Variants in PHYHIP observed in about 807,000 individuals in gnomAD.
PHYHIP encodes phytanoyl-CoA 2-hydroxylase interacting protein, also known as phytanoyl-CoA hydroxylase-interacting protein.
In PHYHIP, 7 loss-of-function variants were observed where a neutral mutation model predicts 26.1. The ratio of observed to expected loss-of-function variants is 0.27; its 90% confidence interval spans 0.15 to 0.50. The LOEUF is 0.50. Ranked by LOEUF, PHYHIP falls within the 20% of genes least tolerant of loss-of-function variation. The probability of loss-of-function intolerance (pLI) is 0.98; values close to 1 mark genes in which losing one functional copy is unlikely to be tolerated. For missense variants in PHYHIP, 232 were observed against 454.7 expected (o/e 0.51, Z 4.45); for synonymous variants, 206 against 183.4 (o/e 1.12, Z -1.00).
rs563058901 is a variant in PHYHIP, at chr8:22,224,390, G to A, written c.341-47C>T. On this transcript the variant is annotated intron_variant, in intron 3 of 4. Coordinates refer to ENST00000454243, the MANE Select transcript of PHYHIP (RefSeq NM_014759.5). ...AGGTGAGCCGAGGGCCAGCTGAGGA[G>A]CACAAACACCTCCTGTCCCCACCCC... 21 of 1,098,252 alleles carry A rather than the reference G, an allele frequency of 1.9e-5. No individual in the cohort carries two copies. In the African/African-American group the frequency reaches 2.1e-4, roughly 11 times the overall value. The allele number at this position is 1,098,252 out of a possible 1,614,324, so 68.0% of individuals were successfully genotyped here. A position where few individuals can be genotyped will look rare whatever the true frequency, so the allele number is the denominator to read the frequency against.
Position 22,221,643 on chromosome 8 carries a change from C to T in PHYHIP, c.703G>A (p.Ala235Thr), listed in dbSNP as rs1347147279. The stretch of plus-strand genomic sequence containing the variant: ...CCTTTGGGCGCCAGCACCAGGATGG[C>T]GTAGTGGTAGGCCGTGTACATGCAG... ...FYCMYTAYHY[A>T]ILVLAPKGSL... Residue 235 changes from alanine (A) to threonine (T), a missense_variant, in exon 5 of 5, where the codon GCC becomes ACC. By Grantham distance (58) the Ala-to-Thr change is moderately conservative. Coordinates refer to ENST00000454243, the MANE Select transcript of PHYHIP (RefSeq NM_014759.5). The surrounding 1 kb of genome is among the most constrained non-coding windows in gnomAD (Gnocchi z 7.9). 3.1e-6 allele frequency: 5 copies of T among 1,613,126 alleles called. No homozygotes were observed. The highest frequency in any genetic ancestry group is 4.2e-6 in the Non-Finnish European group (5 of 1,179,712).
At chr8:22,225,026 C>T (rs973000822) in intron 3 of PHYHIP, among the ~76,000 whole-genome samples, 3 of 152,164 alleles carry the variant, frequency 2.0e-5, no homozygotes, top group Non-Finnish European at 4.4e-5. Context: ...TGGCTGCATC[C>T]CTGGCCAGGG....
intron 4 of PHYHIP, among the ~76,000 whole-genome samples, chr8:22,223,074 A>C (rs1035729783): frequency 6.6e-6 from 1 of 152,234 alleles, no homozygotes; most frequent in South Asian, 2.1e-4. Flanking sequence ...GGATAAAGAC[A>C]GACAGAGGCC....
At chr8:22,223,574 G>A (rs757941892) in intron 4 of PHYHIP, among the ~76,000 whole-genome samples, 1 of 152,152 alleles carries the variant, frequency 6.6e-6, no homozygotes, top group Non-Finnish European at 1.5e-5. Context: ...CTCTTCTGTA[G>A]GCTGAGGGTG....
chr8:22,222,014 G>A (rs1057217859), intron 4 of PHYHIP, 127 bp from the exon 5 acceptor site: 16 of 732,234 alleles, frequency 2.2e-5, no homozygotes, highest in Middle Eastern at 3.9e-4. Flanking sequence ...TCCCCCAGCC[G>A]CCTCCACTAG....
intron 4 of PHYHIP, among the ~76,000 whole-genome samples, chr8:22,223,284 C>T (rs1035626804): frequency 6.6e-6 from 1 of 151,190 alleles, no homozygotes; most frequent in Non-Finnish European, 1.5e-5. Context: ...ATCATTTTAA[C>T]CCAGAAGGCA....
chr8:22,230,080 T>A (rs1829835881), intron 1 of PHYHIP, among the ~76,000 whole-genome samples: 1 of 152,192 alleles, frequency 6.6e-6, no homozygotes. Flanking sequence ...ATTGAGTGTC[T>A]GGAAACAACC....
intron 1 of PHYHIP, among the ~76,000 whole-genome samples, chr8:22,230,810 T>C (rs1025118546): frequency 3.3e-5 from 5 of 152,064 alleles, no homozygotes; most frequent in Non-Finnish European, 7.4e-5. Context: ...GTCACCTCCA[T>C]GCACACCCAG....
intron 2 of PHYHIP, among the ~76,000 whole-genome samples, chr8:22,227,426 G>T (rs1829771148): frequency 6.6e-6 from 1 of 152,232 alleles, no homozygotes; most frequent in African/African-American, 2.4e-5. Context: ...TAAGGGGGTG[G>T]TGTTGAACAT....
intron 4 of PHYHIP, among the ~76,000 whole-genome samples, chr8:22,223,561 C>T (rs1586488452): frequency 6.6e-6 from 1 of 152,116 alleles, no homozygotes; most frequent in Admixed American, 6.5e-5. Flanking sequence ...GGGCCTCAGG[C>T]TCCTCTTCTG....
chr8:22,228,800 G>C (rs1213668194), intron 1 of PHYHIP: 1 of 158,104 alleles, frequency 6.3e-6, no homozygotes, highest in Non-Finnish European at 1.4e-5. Flanking sequence ...GCTGTGGAGC[G>C]GAGGTGCGAG....
chr8:22,221,084 A>T lies in PHYHIP; in HGVS notation c.*269T>A. 2.3e-6 allele frequency: 1 copy of T among 443,422 alleles called. No individual in the cohort carries two copies. Among genetic ancestry groups the T allele is most frequent in the Non-Finnish European group, 4.0e-6 (1 of 249,006 alleles). The allele number at this position is 443,422 out of a possible 1,614,324, so 27.5% of individuals were successfully genotyped here. A position where few individuals can be genotyped will look rare whatever the true frequency, so the allele number is the denominator to read the frequency against. The stretch of plus-strand genomic sequence containing the variant: ...CAAAGAACAGTAGGACAAGGAAACC[A>T]GAGGAAAGGGGAAGTTCTCCAGAAG... On this transcript the variant is annotated 3_prime_UTR_variant, in exon 5 of 5. Coordinates refer to ENST00000454243, the MANE Select transcript of PHYHIP (RefSeq NM_014759.5). This position sits in a 1 kb window ranked among gnomAD's most constrained non-coding sequence, Gnocchi z 7.9.
At chr8:22,227,242 C>A (rs957614411) in intron 2 of PHYHIP, among the ~76,000 whole-genome samples, 15 of 152,214 alleles carry the variant, frequency 9.9e-5, no homozygotes, top group Non-Finnish European at 2.2e-4. Flanking sequence ...CCCCTGACAC[C>A]CCGTTCTCTT....
At chr8:22,226,703 C>T (rs1586491804) in intron 3 of PHYHIP, 148 bp downstream of exon 3, 4 of 649,554 alleles carry the variant, frequency 6.2e-6, no homozygotes, top group Admixed American at 3.6e-5. Flanking sequence ...GTGTCATGCC[C>T]GTGCATCTCC....
intron 1 of PHYHIP, 131 bp downstream of exon 1, chr8:22,231,665 G>C (rs1040658726): frequency 2.6e-5 from 4 of 152,426 alleles, no homozygotes; most frequent in African/African-American, 7.2e-5. Context: ...GCCGGGGGGG[G>C]GGAGAGGGGA....
At chr8:22,226,583 G>A (rs780958197) in intron 3 of PHYHIP, among the ~76,000 whole-genome samples, 17 of 152,146 alleles carry the variant, frequency 1.1e-4, no homozygotes, top group Non-Finnish European at 1.8e-4. Context: ...TACCAAGCCC[G>A]AAAAGTAACT....
chr8:22,226,649 T>C (rs973638017), intron 3 of PHYHIP, among the ~76,000 whole-genome samples: 6 of 152,178 alleles, frequency 3.9e-5, no homozygotes, highest in African/African-American at 1.4e-4. Context: ...CGCATTTGCC[T>C]CCAGTGAGAG....
At chr8:22,227,747 T>C (rs10100426) in intron 2 of PHYHIP, 250,548 of 457,260 alleles carry the variant, frequency 0.55, 69,786 homozygotes, top group East Asian at 0.74. Context: ...GCAAAAGGGC[T>C]CCGCCCCGAC....
intron 3 of PHYHIP, among the ~76,000 whole-genome samples, chr8:22,224,826 A>G (rs1253351594): frequency 1.3e-5 from 2 of 152,198 alleles, no homozygotes; most frequent in African/African-American, 2.4e-5. Flanking sequence ...GTGAGGGTCT[A>G]GGGAGAACTG....
Sources: gnomAD v4.1 joint callset for allele counts (sites outside exome capture counted in the v4.1 genomes callset) on GRCh38, gnomAD v4.1.1 for gene constraint, Gnocchi (gnomAD v3.1) non-coding constraint, MANE v1.5 for transcripts, NCBI Gene and HGNC (gene_info 2026-07-23, HGNC 2026-07-21) for gene names.